The following LRRC56 variants were observed in gnomAD, a reference collection of about 807,000 sequenced individuals.
LRRC56 encodes the protein leucine rich repeat containing 56.
LRRC56 carries 41 observed loss-of-function variants against 47.8 expected under a neutral mutation model. That is an observed-to-expected ratio of 0.86 (90% CI 0.67 to 1.11). The LOEUF (loss-of-function observed/expected upper bound fraction) is 1.11. Ranked by LOEUF, LRRC56 falls within the 50% of genes most tolerant of loss-of-function variation. The probability of loss-of-function intolerance (pLI) is 0.00; values close to 1 mark genes in which losing one functional copy is unlikely to be tolerated. For synonymous variants in LRRC56, 387 were observed against 311.2 expected (o/e 1.24, Z -2.56); for missense variants, 759 against 704.2 (o/e 1.08, Z -0.88).
chr11:533,527 CCA>C, upstream of LRRC56: 1 of 1,613,828 alleles, frequency 6.2e-7, no homozygotes, highest in Non-Finnish European at 8.5e-7. Context: ...TGCCGAGATT[CCA>C]CAGTGCGTGC....
chr11:522,518 G>A, the LRRC56 span, among the ~76,000 whole-genome samples: 1 of 151,976 alleles, frequency 6.6e-6, no homozygotes, highest in Non-Finnish European at 1.5e-5. Flanking sequence ...CGCCCACCTC[G>A]GCCTCCCAAA....
At chr11:549,270 G>A (rs1159391898) in intron 6 of LRRC56, among the ~76,000 whole-genome samples, 2 of 152,228 alleles carry the variant, frequency 1.3e-5, no homozygotes, top group Non-Finnish European at 2.9e-5. Context: ...TGCAGAGATG[G>A]CGTAGCAGCG....
In LRRC56 at chr11:554,221, C is replaced by A. The variant is rs916373370; in HGVS notation, c.1574C>A (p.Ala525Glu). ...CPGPKPAPDA[A>E]ARPPRAAELS... is the part of the protein sequence containing the mutation. ...GGCCCAAAGCCAGCACCAGATGCAG[C>A]AGCTAGACCTCCCAGGGCAGCTGAA... Residue 525 changes from alanine (A) to glutamate (E), a missense_variant, in exon 14 of 14, where the codon GCA becomes GAA. By Grantham distance (107) the Ala-to-Glu change is moderately radical. Transcript: ENST00000270115. The A allele has an allele frequency of 2.0e-6, 3 of 1,524,234 alleles. No individual in the cohort carries two copies. The highest frequency in any genetic ancestry group is 4.1e-5 in the Admixed American group (2 of 48,614). 94.4% of individuals were successfully genotyped at this position (1,524,234 alleles called of 1,614,324 possible).
At chr11:509,579 G>A in the LRRC56 span, among the ~76,000 whole-genome samples, 22 of 152,016 alleles carry the variant, frequency 1.4e-4, no homozygotes, top group African/African-American at 4.1e-4. Flanking sequence ...ATGGAGTCTC[G>A]CTCTGTCGCC....
chr11:521,685 C>T, the LRRC56 span, among the ~76,000 whole-genome samples: 4 of 152,112 alleles, frequency 2.6e-5, no homozygotes, highest in East Asian at 3.8e-4. Context: ...GAGACCGAGG[C>T]GGGCAGATCA....
the LRRC56 span, among the ~76,000 whole-genome samples, chr11:524,497 C>T: frequency 9.2e-5 from 14 of 151,846 alleles, no homozygotes; most frequent in African/African-American, 3.1e-4. Context: ...CAGGCATGGT[C>T]GCAGGTGCCT....
the LRRC56 span, among the ~76,000 whole-genome samples, chr11:527,891 A>G: frequency 6.6e-6 from 1 of 151,976 alleles, no homozygotes; most frequent in Non-Finnish European, 1.5e-5. Flanking sequence ...TAGTAGAGAC[A>G]GGGTTTCTCC....
chr11:554,354 TGGGCG>T lies in LRRC56; in HGVS notation c.*81_*85del. 7.9e-7 allele frequency: 1 copy of T among 1,272,674 alleles called. No homozygotes were observed. Among genetic ancestry groups the T allele is most frequent in the Middle Eastern group, 2.0e-4 (1 of 4,882 alleles). 78.8% of individuals were successfully genotyped at this position (1,272,674 alleles called of 1,614,324 possible). A position where few individuals can be genotyped will look rare whatever the true frequency, so the allele number is the denominator to read the frequency against. On this transcript the variant is annotated 3_prime_UTR_variant, in exon 14 of 14. Transcript: ENST00000270115. ...ATGTGGTCACAGAGCACAGAATACC[TGGGCG>T]GGTGTGTTGGGGGGTGGAAGGAGTG...
chr11:552,738 G>A (rs1286058532), intron 13 of LRRC56, 36 bp downstream of exon 13: 8 of 1,566,354 alleles, frequency 5.1e-6, no homozygotes, highest in Non-Finnish European at 6.9e-6. Flanking sequence ...CAGTGCCTGG[G>A]AGTGACCAAC....
rs17853485 is a variant in LRRC56 at position 552,104 on chromosome 11, C to T, written c.1053C>T (p.Pro351=). ...RRHQCQAREP[P]EQLPQHRPGD... ...TTCCTCCCCAGGCCAGGGAGCCCCC[C>T]GAGCAGCTGCCCCAACACAGGCCAG... Residue 351 remains proline (P), a synonymous_variant, in exon 12 of 14, where the codon CCC becomes CCT. Coordinates refer to ENST00000270115, the MANE Select transcript of LRRC56 (RefSeq NM_198075.4). The T allele has an allele frequency of 1.1e-5, 17 of 1,611,176 alleles. No individual in the cohort carries two copies. The highest frequency in any genetic ancestry group is 1.0e-4 in the Admixed American group (6 of 59,954).
At chr11:525,279 C>G in the LRRC56 span, among the ~76,000 whole-genome samples, 1 of 151,660 alleles carries the variant, frequency 6.6e-6, no homozygotes, top group Non-Finnish European at 1.5e-5. Flanking sequence ...GTGGCTCACG[C>G]CTGTAATCCC....
chr11:518,328 C>A, the LRRC56 span, among the ~76,000 whole-genome samples: 1 of 151,940 alleles, frequency 6.6e-6, no homozygotes, highest in Non-Finnish European at 1.5e-5. Context: ...ACTACAGGTG[C>A]CCGCCACCAC....
At chr11:527,398 G>C in the LRRC56 span, among the ~76,000 whole-genome samples, 2 of 152,170 alleles carry the variant, frequency 1.3e-5, no homozygotes, top group Non-Finnish European at 2.9e-5. Flanking sequence ...ACTGAAATCT[G>C]TTATCAGTTG....
chr11:535,552 G>C (rs912888395), upstream of LRRC56: 1 of 148,756 alleles, frequency 6.7e-6, no homozygotes, highest in African/African-American at 2.4e-5. Context: ...CGCAGGGCAC[G>C]GGCGGCGGAG....
At chr11:517,385 C>G in the LRRC56 span, among the ~76,000 whole-genome samples, 1 of 151,694 alleles carries the variant, frequency 6.6e-6, no homozygotes, top group Admixed American at 6.6e-5. Context: ...GCTGCCCCGT[C>G]TGGGAGGTGG....
At chr11:510,901 A>G in the LRRC56 span, among the ~76,000 whole-genome samples, 1 of 149,682 alleles carries the variant, frequency 6.7e-6, no homozygotes, top group East Asian at 2.1e-4. Context: ...AGAGTGAACC[A>G]TGTCTCTAAA....
intron 2 of LRRC56, among the ~76,000 whole-genome samples, chr11:539,109 C>G (rs1316395496): frequency 1.3e-5 from 2 of 152,202 alleles, no homozygotes; most frequent in Admixed American, 6.5e-5. Flanking sequence ...GAGATGGAGT[C>G]TCTCTCTGTC....
the LRRC56 span, among the ~76,000 whole-genome samples, chr11:520,465 C>T: frequency 0.015 from 2,248 of 152,058 alleles, 56 homozygotes; most frequent in African/African-American, 0.046. Flanking sequence ...GGATTACGTG[C>T]GCCACCACGT....
At chr11:528,125 C>T in the LRRC56 span, among the ~76,000 whole-genome samples, 4 of 152,236 alleles carry the variant, frequency 2.6e-5, no homozygotes, top group African/African-American at 4.8e-5. Context: ...CTTGAGCCAC[C>T]GTGCCCGGCC....
Sources: allele counts gnomAD v4.1 joint callset (sites outside exome capture counted in the v4.1 genomes callset), GRCh38; gene constraint gnomAD v4.1.1; transcripts MANE v1.5; gene names NCBI Gene and HGNC (gene_info 2026-07-23, HGNC 2026-07-21).